The following PPP2R2B variants were observed in gnomAD, a reference collection of about 807,000 sequenced individuals.
PPP2R2B encodes the protein serine/threonine-protein phosphatase 2A 55 kDa regulatory subunit B beta isoform.
Under a neutral mutation model 46.0 loss-of-function variants are expected in PPP2R2B, and 5 were observed. That is an observed-to-expected ratio of 0.11 (90% CI 0.06 to 0.23). The LOEUF is 0.23. PPP2R2B is among the 10% of genes least tolerant of loss of function. The pLI is 1.00. For synonymous variants in PPP2R2B, 215 were observed against 206.7 expected (o/e 1.04, Z -0.34); for missense variants, 367 against 575.0 (o/e 0.64, Z 3.70).
At chr5:146,772,239 A>T (rs249905) in intron 2 of PPP2R2B, among the ~76,000 whole-genome samples, 130,574 of 151,896 alleles carry the variant, frequency 0.86, 56,177 homozygotes, top group East Asian at 0.89. Context: ...AAACATTTAT[A>T]GATGATTTAT....
intron 4 of PPP2R2B, among the ~76,000 whole-genome samples, chr5:146,697,536 A>T (rs1320085047): frequency 2.0e-5 from 3 of 152,188 alleles, no homozygotes; most frequent in African/African-American, 4.8e-5. Flanking sequence ...ATAGAAGTTA[A>T]TTTTTGTCAG....
rs76451926 is a variant in PPP2R2B at position 146,920,618 on chromosome 5, G to C, written c.79+135047C>G. The stretch of plus-strand genomic sequence containing the variant: ...CATGACTGCCAGTCCCTGCTAGGAA[G>C]TGGCTTTTCATGATGGCTTGCTGGT... On this transcript the variant is annotated intron_variant, in intron 1 of 8. Coordinates refer to the PPP2R2B transcript ENST00000336640. Among the ~76,000 whole-genome samples, 856 of 152,324 alleles carry C rather than the reference G, an allele frequency of 5.6e-3. 28 individuals carry two copies. The East Asian group carries it at 0.067, about 12-fold the overall frequency.
At chr5:146,650,832 A>G in intron 5 of PPP2R2B, 108 bp from the exon 6 acceptor site, 1 of 993,170 alleles carries the variant, frequency 1.0e-6, no homozygotes, top group Non-Finnish European at 1.4e-6. Flanking sequence ...AGCCACATTG[A>G]AGAAACTCCA....
chr5:146,826,147 T>C (rs1758566970), intron 2 of PPP2R2B, among the ~76,000 whole-genome samples: 2 of 152,210 alleles, frequency 1.3e-5, no homozygotes, highest in African/African-American at 4.8e-5. Flanking sequence ...CATTTCTTTT[T>C]TAAAAATGCC....
At chr5:146,773,770 C>T (rs1755011182) in intron 2 of PPP2R2B, among the ~76,000 whole-genome samples, 1 of 152,166 alleles carries the variant, frequency 6.6e-6, no homozygotes, top group Non-Finnish European at 1.5e-5. Context: ...CCCAATTTAT[C>T]CATCTTTTCC....
chr5:147,081,441 G>A (rs568577969), upstream of PPP2R2B: 36 of 711,588 alleles, frequency 5.1e-5, no homozygotes, highest in African/African-American at 1.6e-4. Context: ...GAGTGGTTAC[G>A]AAGGACTTGC....
intron 1 of PPP2R2B, among the ~76,000 whole-genome samples, chr5:146,905,769 T>C (rs913607107): frequency 1.3e-5 from 2 of 152,158 alleles, no homozygotes; most frequent in African/African-American, 2.4e-5. Context: ...ATTTTATTCA[T>C]ATAACATTAT....
At chr5:146,843,042 G>GC (rs1247895209) in intron 2 of PPP2R2B, among the ~76,000 whole-genome samples, 3 of 152,152 alleles carry the variant, frequency 2.0e-5, no homozygotes, top group Non-Finnish European at 4.4e-5. Flanking sequence ...TACAAAATTA[G>GC]CTGGCGTGAT....
chr5:147,067,827 G>T (rs956970986), intron 2 of PPP2R2B, among the ~76,000 whole-genome samples: 2 of 152,124 alleles, frequency 1.3e-5, no homozygotes, highest in Admixed American at 6.6e-5. Context: ...CTTGGATTAG[G>T]TGTAAGAAGT....
chr5:146,635,334 T>C (rs1483215527), intron 7 of PPP2R2B, among the ~76,000 whole-genome samples: 1 of 150,598 alleles, frequency 6.6e-6, no homozygotes, highest in Non-Finnish European at 1.5e-5. Flanking sequence ...TAGCTAAACA[T>C]GTGTCATGGG....
At chr5:146,655,128 C>T (rs1776237800) in intron 5 of PPP2R2B, among the ~76,000 whole-genome samples, 1 of 152,148 alleles carries the variant, frequency 6.6e-6, no homozygotes, top group Admixed American at 6.5e-5. Flanking sequence ...AGGTGCTTCA[C>T]CCTCCTCTCT....
upstream of PPP2R2B, among the ~76,000 whole-genome samples, chr5:147,056,887 G>A (rs1757104268): frequency 6.6e-6 from 1 of 152,174 alleles, no homozygotes; most frequent in Non-Finnish European, 1.5e-5. Flanking sequence ...AGACACTATT[G>A]TATATAATGA....
intron 2 of PPP2R2B, among the ~76,000 whole-genome samples, chr5:146,734,819 T>A (rs1321251942): frequency 6.6e-6 from 1 of 152,210 alleles, no homozygotes; most frequent in Non-Finnish European, 1.5e-5. Flanking sequence ...CTGATGATAC[T>A]TATGTTTTGG....
In PPP2R2B at chr5:146,768,183, C is replaced by G. The variant is rs887848760; in HGVS notation, c.71-67041G>C. Among the ~76,000 whole-genome samples, 94 of 152,190 alleles carry G rather than the reference C, an allele frequency of 6.2e-4. 1 individual carries two copies. Among genetic ancestry groups the G allele is most frequent in the Non-Finnish European group, 5.9e-5 (4 of 68,000 alleles). ...CCACCTCCCAGGCTCAAGCAATCCT[C>G]CCACCCCAGCCTCCCGAGTAGCTGG... On this transcript the variant is annotated intron_variant, in intron 2 of 9. Coordinates refer to ENST00000394411, the MANE Select transcript of PPP2R2B (RefSeq NM_181675.4).
At chr5:146,884,724 G>A (rs1447631162) in intron 1 of PPP2R2B, among the ~76,000 whole-genome samples, 4 of 152,192 alleles carry the variant, frequency 2.6e-5, no homozygotes, top group Non-Finnish European at 4.4e-5. Flanking sequence ...AGGCTGTCCT[G>A]TGCAAGAAAG....
chr5:146,871,561 T>C (rs1485046936), intron 2 of PPP2R2B, among the ~76,000 whole-genome samples: 1 of 152,230 alleles, frequency 6.6e-6, no homozygotes, highest in Non-Finnish European at 1.5e-5. Context: ...ATTCTGTTAC[T>C]GGGTCGTAGA....
At chr5:146,958,955 T>C (rs141585639) in intron 1 of PPP2R2B, among the ~76,000 whole-genome samples, 160 of 152,324 alleles carry the variant, frequency 1.1e-3, no homozygotes, top group African/African-American at 3.6e-3. Flanking sequence ...ATTTAGTAAG[T>C]AGTTGGAGGT....
intron 6 of PPP2R2B, among the ~76,000 whole-genome samples, chr5:146,649,952 T>C (rs1338703267): frequency 6.6e-6 from 1 of 152,154 alleles, no homozygotes; most frequent in East Asian, 1.9e-4. Context: ...ACTGTATAAT[T>C]ATAATATGTA....
At chr5:147,070,244 C>T (rs76424225) in intron 2 of PPP2R2B, among the ~76,000 whole-genome samples, 3,384 of 152,264 alleles carry the variant, frequency 0.022, 91 homozygotes, top group African/African-American at 0.065. Flanking sequence ...TCAACACCTA[C>T]TGCCCATATA....
Sources: gnomAD v4.1 joint callset for allele counts (sites outside exome capture counted in the v4.1 genomes callset) on GRCh38, gnomAD v4.1.1 for gene constraint, MANE v1.5 for transcripts, NCBI Gene and HGNC (gene_info 2026-07-23, HGNC 2026-07-21) for gene names.